Variants in COBL observed in about 807,000 individuals in gnomAD.
The protein encoded by COBL is cordon-bleu WH2 repeat protein, also known as protein cordon-bleu.
COBL carries 51 observed loss-of-function variants against 98.8 expected under a neutral mutation model. The ratio of observed to expected loss-of-function variants is 0.52; its 90% CI spans 0.41 to 0.65. COBL has a LOEUF of 0.65. COBL is among the 30% of genes least tolerant of loss of function. The probability of loss-of-function intolerance (pLI) is 0.00; values close to 1 mark genes in which losing one functional copy is unlikely to be tolerated. For missense variants in COBL, 1,617 were observed against 1,617.5 expected, an observed-to-expected ratio of 1.00 and a Z score of 0.01; for synonymous variants, 634 against 651.7, an observed-to-expected ratio of 0.97 and a Z score of 0.41.
intron 1 of COBL, among the ~76,000 whole-genome samples, chr7:51,264,468 C>T (rs368880833): frequency 1.3e-5 from 2 of 151,972 alleles, no homozygotes; most frequent in African/African-American, 2.4e-5. Flanking sequence ...GTGAGGAGTT[C>T]GAGACCAGCC....
At chr7:51,275,186 T>C (rs889125962) in intron 1 of COBL, among the ~76,000 whole-genome samples, 7 of 152,126 alleles carry the variant, frequency 4.6e-5, no homozygotes, top group African/African-American at 1.4e-4. Flanking sequence ...CCCTGCGGGC[T>C]GGAGGGGAGA....
intron 1 of COBL, among the ~76,000 whole-genome samples, chr7:51,231,880 C>T (rs1794790082): frequency 6.6e-6 from 1 of 152,212 alleles, no homozygotes; most frequent in African/African-American, 2.4e-5. Flanking sequence ...AGACCCTGCC[C>T]CTCATCCCCA....
At position 51,082,291 on chromosome 7, in the gene COBL, T is replaced by C. The variant is rs77444517; in HGVS notation, c.1096+2875A>G. ...TACACAGCCCAGGATGGCACTTGCTTTATCAGAAGTGTCGCCGCCCAGCTG... is the reference window on the plus strand; with the variant it reads ...TACACAGCCCAGGATGGCACTTGCTCTATCAGAAGTGTCGCCGCCCAGCTG... On this transcript the variant is annotated intron_variant, in intron 7 of 12. Transcript: ENST00000265136. Among the ~76,000 whole-genome samples the C allele has an allele frequency of 1.5e-4, 23 of 152,286 alleles. No homozygotes were observed. In the East Asian group the frequency reaches 4.5e-3, roughly 30 times the overall value.
At chr7:51,205,852 T>C (rs1047451949) in intron 2 of COBL, among the ~76,000 whole-genome samples, 2 of 152,022 alleles carry the variant, frequency 1.3e-5, no homozygotes, top group African/African-American at 4.8e-5. Context: ...GATAAAGAAC[T>C]CAAACAACTC....
intron 2 of COBL, among the ~76,000 whole-genome samples, chr7:51,201,569 T>A (rs984430188): frequency 9.2e-5 from 14 of 152,150 alleles, no homozygotes; most frequent in African/African-American, 3.4e-4. Flanking sequence ...GGTAGAAAGA[T>A]CAATCAATAA....
At chr7:51,076,337 CG>C (rs1793072555) in intron 7 of COBL, among the ~76,000 whole-genome samples, 1 of 152,226 alleles carries the variant, frequency 6.6e-6, no homozygotes, top group Non-Finnish European at 1.5e-5. Context: ...GCCAAATTCC[CG>C]TCCTACCTTC....
intron 6 of COBL, among the ~76,000 whole-genome samples, chr7:51,087,165 C>T (rs984833160): frequency 7.9e-5 from 12 of 151,566 alleles, no homozygotes; most frequent in Admixed American, 6.6e-5. Context: ...CACACACGCA[C>T]AGACTCATAC....
At chr7:51,166,520 A>G (rs1787333299) in intron 5 of COBL, among the ~76,000 whole-genome samples, 1 of 152,074 alleles carries the variant, frequency 6.6e-6, no homozygotes, top group African/African-American at 2.4e-5. Flanking sequence ...AATTCTCCCA[A>G]ACATTTAAAC....
At chr7:51,316,010 G>A (rs937980311) in intron 1 of COBL, among the ~76,000 whole-genome samples, 10 of 152,232 alleles carry the variant, frequency 6.6e-5, no homozygotes, top group Non-Finnish European at 8.8e-5. Flanking sequence ...GGCAGGGAGG[G>A]AGAGCTGCTG....
At chr7:51,039,848 A>G (rs2128884143) in intron 8 of COBL, among the ~76,000 whole-genome samples, 1 of 152,342 alleles carries the variant, frequency 6.6e-6, no homozygotes, top group Admixed American at 6.5e-5. Context: ...TTTGAGAGAC[A>G]TCACATAAAA....
intron 6 of COBL, among the ~76,000 whole-genome samples, chr7:51,104,025 G>A (rs1457041015): frequency 6.6e-6 from 1 of 152,254 alleles, no homozygotes; most frequent in African/African-American, 2.4e-5. Context: ...AGTTTCCTGA[G>A]AGAGTCAGGG....
intron 1 of COBL, among the ~76,000 whole-genome samples, chr7:51,294,659 A>C (rs986495200): frequency 6.6e-6 from 1 of 151,654 alleles, no homozygotes; most frequent in Non-Finnish European, 1.5e-5. Context: ...AAAAAAAAAA[A>C]AAACCATTTT....
intron 2 of COBL, among the ~76,000 whole-genome samples, chr7:51,210,232 C>T (rs1281254836): frequency 2.0e-5 from 3 of 152,010 alleles, no homozygotes; most frequent in East Asian, 3.9e-4. Flanking sequence ...CTTCAGCAGT[C>T]GAGGGTGGGA....
intron 1 of COBL, among the ~76,000 whole-genome samples, chr7:51,271,456 C>T (rs543913182): frequency 7.2e-5 from 11 of 152,330 alleles, no homozygotes; most frequent in Non-Finnish European, 1.3e-4. Flanking sequence ...GAGGCAACTA[C>T]TTACGTCAGT....
At chr7:51,073,763 G>A (rs1013390867) in intron 7 of COBL, among the ~76,000 whole-genome samples, 7 of 152,144 alleles carry the variant, frequency 4.6e-5, no homozygotes, top group Non-Finnish European at 1.0e-4. Context: ...TTGAAAAACA[G>A]TCTAAGTTAC....
chr7:51,045,123 C>T (rs1218335183), intron 7 of COBL, among the ~76,000 whole-genome samples: 4 of 152,206 alleles, frequency 2.6e-5, no homozygotes, highest in Non-Finnish European at 4.4e-5. Flanking sequence ...GTCGCTGTAG[C>T]TCCCTGTTTC....
chr7:51,208,086 C>G (rs1295583962), intron 2 of COBL, among the ~76,000 whole-genome samples: 5 of 151,482 alleles, frequency 3.3e-5, no homozygotes, highest in Non-Finnish European at 7.4e-5. Flanking sequence ...CCCGCCGCCC[C>G]GTCTGGAATG....
At chr7:51,138,343 C>T (rs773818659) in intron 5 of COBL, among the ~76,000 whole-genome samples, 1 of 152,196 alleles carries the variant, frequency 6.6e-6, no homozygotes, top group Non-Finnish European at 1.5e-5. Context: ...GCCTTACATC[C>T]ACCTCCATGG....
At chr7:51,042,018 G>A (rs1789246624) in intron 8 of COBL, among the ~76,000 whole-genome samples, 1 of 152,106 alleles carries the variant, frequency 6.6e-6, no homozygotes, top group African/African-American at 2.4e-5. Context: ...TCTGACCATA[G>A]TGGGGACAGG....
Sources: allele counts gnomAD v4.1 joint callset (sites outside exome capture counted in the v4.1 genomes callset), GRCh38; gene constraint gnomAD v4.1.1; transcripts MANE v1.5; gene names NCBI Gene and HGNC (gene_info 2026-07-23, HGNC 2026-07-21).